ERICH2: variants seen among roughly 807,000 people sequenced by gnomAD.
ERICH2 encodes the protein glutamate-rich protein 2.
In ERICH2, 17 loss-of-function variants were observed where a neutral mutation model predicts 17.4. That is an observed-to-expected ratio of 0.98 (90% CI 0.67 to 1.47). The LOEUF (loss-of-function observed/expected upper bound fraction) is 1.47, where lower values mean the gene tolerates loss of function less well. ERICH2 is among the 40% of genes most tolerant of loss of function. The pLI is 0.00. For synonymous variants in ERICH2, 51 were observed against 61.1 expected, an observed-to-expected ratio of 0.83 and a Z score of 0.77; for missense variants, 186 against 183.2, an observed-to-expected ratio of 1.01 and a Z score of -0.09.
the ERICH2 span, among the ~76,000 whole-genome samples, chr2:170,772,215 C>T: frequency 2.0e-5 from 3 of 152,214 alleles, no homozygotes; most frequent in Admixed American, 1.3e-4. Flanking sequence ...GGTTGAGCCA[C>T]ATCCTCAGTG....
At chr2:170,781,258 T>A (rs908922102), upstream of ERICH2, among the ~76,000 whole-genome samples, 5 of 152,202 alleles carry the variant, frequency 3.3e-5, no homozygotes, top group Non-Finnish European at 7.3e-5. Flanking sequence ...TACATCTTTT[T>A]ATATATTTCC....
chr2:170,798,669 A>G, intron 4 of ERICH2, 101 bp from the exon 10 acceptor site: 2 of 1,406,210 alleles, frequency 1.4e-6, no homozygotes, highest in South Asian at 2.7e-5. Flanking sequence ...CTTATGTTAC[A>G]AATATATGTA....
At chr2:170,784,779 T>C (rs1559252386) in exon 2 of ERICH2, 1 of 1,542,784 alleles carries the variant, frequency 6.5e-7, no homozygotes, top group Non-Finnish European at 8.7e-7. Flanking sequence ...AAGATGATGA[T>C]GAAGATAGTA....
chr2:170,778,814 T>C (rs1700966011), upstream of ERICH2, among the ~76,000 whole-genome samples: 2 of 152,134 alleles, frequency 1.3e-5, no homozygotes, highest in Non-Finnish European at 2.9e-5. Flanking sequence ...GAAATTACTG[T>C]TGTATCAATG....
chr2:170,779,824 ACAAG>A, upstream of ERICH2: 1 of 984,840 alleles, frequency 1.0e-6, no homozygotes, highest in Non-Finnish European at 1.2e-6. Context: ...ACCAAGATTG[ACAAG>A]CAAACTTAAT....
chr2:170,797,297 G>A (rs1701449082), intron 3 of ERICH2, among the ~76,000 whole-genome samples: 1 of 152,148 alleles, frequency 6.6e-6, no homozygotes, highest in South Asian at 2.1e-4. Flanking sequence ...CTTTAGTAAA[G>A]GATGTCATGT....
At chr2:170,781,918 C>T (rs1367118870), upstream of ERICH2, among the ~76,000 whole-genome samples, 1 of 152,156 alleles carries the variant, frequency 6.6e-6, no homozygotes, top group Non-Finnish European at 1.5e-5. Flanking sequence ...AAACTCAAGG[C>T]TAATTTTCTT....
exon 2 of ERICH2, chr2:170,784,768 G>A: frequency 6.5e-7 from 1 of 1,544,378 alleles, no homozygotes; most frequent in Non-Finnish European, 8.7e-7. Context: ...TACCAATGAT[G>A]AAGATGATGA....
intron 4 of ERICH2, 94 bp from the exon 10 acceptor site, chr2:170,798,676 T>C (rs899028211): frequency 2.1e-6 from 3 of 1,435,982 alleles, no homozygotes; most frequent in Admixed American, 4.3e-5. Context: ...TACAAATATA[T>C]GTATTTCTTG....
chr2:170,790,751 C>A (rs1246607941), intron 2 of ERICH2, among the ~76,000 whole-genome samples: 2 of 151,444 alleles, frequency 1.3e-5, no homozygotes, highest in Non-Finnish European at 2.9e-5. Context: ...TTGCAGTGAG[C>A]CGAGATTGCA....
chr2:170,794,849 T>C (rs111801421), intron 3 of ERICH2, among the ~76,000 whole-genome samples: 3 of 152,364 alleles, frequency 2.0e-5, no homozygotes, highest in African/African-American at 7.2e-5. Flanking sequence ...CATTGGCTCA[T>C]TTTACAAATT....
chr2:170,775,980 C>T, the ERICH2 span, among the ~76,000 whole-genome samples: 1 of 151,724 alleles, frequency 6.6e-6, no homozygotes, highest in Non-Finnish European at 1.5e-5. Context: ...TTTTTAAAGT[C>T]TGGTTTGGGT....
upstream of ERICH2, among the ~76,000 whole-genome samples, chr2:170,783,540 C>A (rs190848480): frequency 6.6e-6 from 1 of 152,088 alleles, no homozygotes; most frequent in Non-Finnish European, 1.5e-5. Flanking sequence ...CAGAGTGAGA[C>A]CCTGTCTCCA....
the ERICH2 span, chr2:170,777,901 A>T: frequency 5.2e-6 from 2 of 387,838 alleles, no homozygotes; most frequent in Non-Finnish European, 9.1e-6. Flanking sequence ...TATAGATAAT[A>T]TTCACTTCTA....
intron 1 of ERICH2, chr2:170,783,975 T>C: frequency 1.4e-6 from 2 of 1,441,146 alleles, no homozygotes; most frequent in South Asian, 2.5e-5. Context: ...TTAGAGTCAT[T>C]AGTTTTACCT....
the ERICH2 span, among the ~76,000 whole-genome samples, chr2:170,771,799 A>G: frequency 6.6e-6 from 1 of 152,108 alleles, no homozygotes; most frequent in Admixed American, 6.5e-5. This position sits in a 1 kb window ranked among gnomAD's most constrained non-coding sequence, Gnocchi z 4.8. Flanking sequence ...TCTTTTGACT[A>G]CTCAAACTAC....
the ERICH2 span, among the ~76,000 whole-genome samples, chr2:170,778,778 A>G: frequency 1.3e-5 from 2 of 152,320 alleles, no homozygotes; most frequent in South Asian, 2.1e-4. Context: ...TAATAGTAAT[A>G]GAAGTTACTA....
chr2:170,783,587 T>G (rs887257656), upstream of ERICH2, among the ~76,000 whole-genome samples: 10 of 151,948 alleles, frequency 6.6e-5, no homozygotes, highest in African/African-American at 2.4e-4. Context: ...CACAAACACA[T>G]AAGTAAGGTA....
intron 3 of ERICH2, among the ~76,000 whole-genome samples, chr2:170,796,068 A>G (rs576300393): frequency 1.3e-5 from 2 of 152,348 alleles, no homozygotes; most frequent in African/African-American, 4.8e-5. Flanking sequence ...TAAAGAAACT[A>G]GTATCTAAAG....
Sources: gnomAD v4.1 joint callset for allele counts (sites outside exome capture counted in the v4.1 genomes callset) on GRCh38, gnomAD v4.1.1 for gene constraint, Gnocchi (gnomAD v3.1) non-coding constraint, MANE v1.5 for transcripts, NCBI Gene and HGNC (gene_info 2026-07-23, HGNC 2026-07-21) for gene names.